The following PAMR1 variants were observed in gnomAD, a reference collection of about 807,000 sequenced individuals.
PAMR1 encodes inactive serine protease PAMR1.
Under a neutral mutation model 81.8 loss-of-function variants are expected in PAMR1, and 88 were observed. The ratio of observed to expected loss-of-function variants is 1.08; its 90% CI spans 0.91 to 1.28. The LOEUF (loss-of-function observed/expected upper bound fraction) is 1.28. PAMR1 is among the 50% of genes most tolerant of loss of function. PAMR1 has a pLI of 0.00. For synonymous variants in PAMR1, 336 were observed against 345.3 expected (o/e 0.97, Z 0.30); for missense variants, 935 against 919.7 (o/e 1.02, Z -0.21).
upstream of PAMR1, chr11:35,529,034 T>C (rs1851430143): frequency 6.6e-6 from 1 of 152,228 alleles, no homozygotes; most frequent in Middle Eastern, 3.2e-3. Flanking sequence ...AGTAGTTTAC[T>C]GAGGACATTC....
chr11:35,490,021 C>T (rs1850587951), intron 3 of PAMR1, among the ~76,000 whole-genome samples: 1 of 152,212 alleles, frequency 6.6e-6, no homozygotes, highest in Non-Finnish European at 1.5e-5. Context: ...TTAATGGACT[C>T]ACAATTCCAC....
chr11:35,495,239 TA>T (rs1354155421), intron 1 of PAMR1, among the ~76,000 whole-genome samples: 1 of 152,110 alleles, frequency 6.6e-6, no homozygotes, highest in African/African-American at 2.4e-5. Flanking sequence ...AAAAATACCT[TA>T]ATTAGTATGT....
chr11:35,441,649 C>G lies in PAMR1; in HGVS notation c.865G>C (p.Gly289Arg), dbSNP rs775829954. The G allele has an allele frequency of 3.1e-6, 5 of 1,613,882 alleles. No individual in the cohort carries two copies. Among genetic ancestry groups the G allele is most frequent in the Non-Finnish European group, 4.2e-6 (5 of 1,179,838 alleles). ...GGGCCCCCTGTTATTTTCTGGTACC[C>G]ATTGACTGGGCCCCCAGGGTCTGAG... Reference protein sequence around the residue: ...NCSDPGGPVNGYQKITGGPGL... With the variant: ...NCSDPGGPVNRYQKITGGPGL... The change falls in exon 7 of 11, where the codon GGG becomes CGG. Residue 289 changes from glycine (G) to arginine (R), a missense_variant. By Grantham distance (125) the Gly-to-Arg change is moderately radical (BLOSUM62 -2). Transcript: ENST00000619888.
chr11:35,488,005 C>A (rs117524439), intron 3 of PAMR1, among the ~76,000 whole-genome samples: 5,308 of 152,214 alleles, frequency 0.035, 145 homozygotes, highest in Middle Eastern at 0.058. Flanking sequence ...CCTGTCTCAG[C>A]CTAGGACAGA....
intron 1 of PAMR1, among the ~76,000 whole-genome samples, chr11:35,499,090 C>T (rs989387236): frequency 4.6e-5 from 7 of 152,282 alleles, no homozygotes; most frequent in South Asian, 4.1e-4. Flanking sequence ...TGAATGAATT[C>T]GGCCTGAACT....
intron 2 of PAMR1, 32 bp from the exon 3 acceptor site, chr11:35,492,205 C>G (rs1850645174): frequency 6.2e-7 from 1 of 1,612,292 alleles, no homozygotes; most frequent in South Asian, 1.1e-5. Context: ...GAGTGTTAGG[C>G]CAAAGCACCT....
chr11:35,432,843 G>T lies in PAMR1; in HGVS notation c.1676C>A (p.Ala559Asp). Residue 559 changes from alanine to aspartate, a missense_variant, in exon 11 of 11, where the codon GCT (alanine) becomes GAT (aspartate). Physicochemically the swap from Ala to Asp is moderately radical, Grantham distance 126. Coordinates refer to ENST00000619888, the MANE Select transcript of PAMR1 (RefSeq NM_001001991.3). ...TAGGAGCTTCAGGATGGCGATGTCA[G>T]CATCAAGCAGGATGGGGTCATAGTT... The part of the protein sequence containing the change: ...HPNYDPILLD[A>D]DIAILKLLDK... 6.2e-7 allele frequency: 1 copy of T among 1,600,360 alleles called. No homozygotes were observed. The highest frequency in any genetic ancestry group is 8.5e-7 in the Non-Finnish European group (1 of 1,179,078).
intron 6 of PAMR1, among the ~76,000 whole-genome samples, chr11:35,462,433 G>A (rs1019220734): frequency 3.3e-5 from 5 of 152,192 alleles, no homozygotes; most frequent in African/African-American, 1.2e-4. Context: ...TGGTGCAGTG[G>A]TGGCAATATT....
chr11:35,530,016 C>T (rs1468254206), upstream of PAMR1: 1 of 152,188 alleles, frequency 6.6e-6, no homozygotes, highest in African/African-American at 2.4e-5. Flanking sequence ...CTTACAGTTC[C>T]CTCTATCTCC....
Position 35,431,964 on chromosome 11 carries a change from C to G in PAMR1, c.*392G>C, listed in dbSNP as rs1327623785. ...AGCTCTGCTGCCCTGGGCTGTCCCA[C>G]AGGCAGCTCTCTAGAACTTGAGAGC... On this transcript the variant is annotated 3_prime_UTR_variant, in exon 11 of 11. Transcript: ENST00000619888. The G allele has an allele frequency of 8.8e-6, 2 of 227,970 alleles. No homozygotes were observed. The highest frequency in any genetic ancestry group is 1.7e-5 in the Non-Finnish European group (2 of 115,246). The allele number at this position is 227,970 out of a possible 1,614,324, so 14.1% of individuals were successfully genotyped here.
In PAMR1 at chr11:35,432,195, A is replaced by T; in HGVS notation, c.*161T>A. 1.6e-6 allele frequency: 1 copy of T among 633,532 alleles called. No homozygotes were observed. The highest frequency in any genetic ancestry group is 2.0e-5 in the South Asian group (1 of 51,124). The allele number at this position is 633,532 out of a possible 1,614,324, so 39.2% of individuals were successfully genotyped here. A position where few individuals can be genotyped will look rare whatever the true frequency, so the allele number is the denominator to read the frequency against. On this transcript the variant is annotated 3_prime_UTR_variant, in exon 11 of 11. Transcript: ENST00000619888. ...CGCGGCATCAGCCTACCAGCAATGG[A>T]GGTCTACTCACCCTTCACTGAGTTT...
chr11:35,473,923 C>A (rs932640875), intron 4 of PAMR1, among the ~76,000 whole-genome samples: 1 of 152,196 alleles, frequency 6.6e-6, no homozygotes, highest in African/African-American at 2.4e-5. Context: ...AGAGAAGATA[C>A]ACTGCAATCA....
chr11:35,471,593 C>A (rs1850187460), intron 4 of PAMR1, among the ~76,000 whole-genome samples: 1 of 151,914 alleles, frequency 6.6e-6, no homozygotes, highest in Non-Finnish European at 1.5e-5. Context: ...CGATAATTCT[C>A]ACCCAAAGAG....
At chr11:35,502,784 G>T (rs534584886) in intron 1 of PAMR1, among the ~76,000 whole-genome samples, 1 of 151,948 alleles carries the variant, frequency 6.6e-6, no homozygotes, top group South Asian at 2.1e-4. Flanking sequence ...CTCATTCTGT[G>T]GTTGTCTCTT....
intron 1 of PAMR1, among the ~76,000 whole-genome samples, chr11:35,506,441 T>A (rs966342485): frequency 2.0e-5 from 3 of 151,760 alleles, no homozygotes; most frequent in African/African-American, 7.2e-5. Context: ...GGTGTTTTTT[T>A]TTTTCAGATT....
chr11:35,440,435 C>T (rs1243758976), intron 7 of PAMR1, among the ~76,000 whole-genome samples: 1 of 152,170 alleles, frequency 6.6e-6, no homozygotes, highest in African/African-American at 2.4e-5. Flanking sequence ...TGGCTAAAGT[C>T]TAAAGTGATT....
In PAMR1 at chr11:35,439,669, T is replaced by A. The variant is rs1273295869; in HGVS notation, c.1058A>T (p.Asp353Val). The A allele has an allele frequency of 6.2e-7, 1 of 1,613,980 alleles. No homozygotes were observed. The highest frequency in any genetic ancestry group is 1.1e-5 in the South Asian group (1 of 91,076). The change falls in exon 8 of 11, where the codon GAC becomes GTC. Residue 353 changes from aspartate (D) to valine (V), a missense_variant. Transcript: ENST00000619888. Reference sequence around the variant, plus strand: ...CGGAAGAACTCTCCTTCTCACCAGGTCTGAAATCTTTGGTTCTCGGCAGGC... The same window carrying A: ...CGGAAGAACTCTCCTTCTCACCAGGACTGAAATCTTTGGTTCTCGGCAGGC... ...IKACREPKIS[D>V]LVRRRVLPMQ...
At chr11:35,492,266 T>G in intron 2 of PAMR1, 93 bp from the exon 3 acceptor site, 7 of 1,339,666 alleles carry the variant, frequency 5.2e-6, no homozygotes, top group Non-Finnish European at 6.2e-6. Context: ...CTCAGGGCCC[T>G]GTCTCAACTA....
chr11:35,459,955 G>T (rs992401181), intron 6 of PAMR1, among the ~76,000 whole-genome samples: 3 of 152,170 alleles, frequency 2.0e-5, no homozygotes, highest in Non-Finnish European at 2.9e-5. Context: ...CTACTACATG[G>T]GAACATTGAG....
Sources: gnomAD v4.1 joint callset for allele counts (sites outside exome capture counted in the v4.1 genomes callset) on GRCh38, gnomAD v4.1.1 for gene constraint, MANE v1.5 for transcripts, NCBI Gene and HGNC (gene_info 2026-07-23, HGNC 2026-07-21) for gene names.